The following XPR1 variants were observed in gnomAD, a reference collection of about 807,000 sequenced individuals.
XPR1 encodes the protein solute carrier family 53 member 1.
Under a neutral mutation model 87.5 loss-of-function variants are expected in XPR1, and 28 were observed. The observed-to-expected ratio is 0.32, with a 90% confidence interval of 0.24 to 0.44. The LOEUF is 0.44. Among genes scored for constraint, XPR1 ranks in the 20% least tolerant of loss-of-function variants. The pLI is 1.00. For missense variants in XPR1, 559 were observed against 862.3 expected (o/e 0.65, Z 4.41); for synonymous variants, 300 against 306.1 (o/e 0.98, Z 0.21).
chr1:180,745,805 C>T (rs1183049188), intron 2 of XPR1, among the ~76,000 whole-genome samples: 2 of 152,166 alleles, frequency 1.3e-5, no homozygotes, highest in South Asian at 2.1e-4. Flanking sequence ...TTCTCCAAAC[C>T]TTAAGAGTCT....
intron 2 of XPR1, among the ~76,000 whole-genome samples, chr1:180,717,342 A>C (rs1423305807): frequency 6.6e-6 from 1 of 152,180 alleles, no homozygotes; most frequent in Non-Finnish European, 1.5e-5. Flanking sequence ...AGAATGTCAT[A>C]GGCATAAAAT....
rs1653036993 is a variant in XPR1, at chr1:180,887,123, G to A, written c.*3057G>A. The A allele has an allele frequency of 1.3e-5, 2 of 152,280 alleles. No homozygotes were observed. Among genetic ancestry groups the A allele is most frequent in the South Asian group, 4.1e-4 (2 of 4,834 alleles). The allele number at this position is 152,280 out of a possible 1,614,324, so 9.4% of individuals were successfully genotyped here. A position where few individuals can be genotyped will look rare whatever the true frequency, so the allele number is the denominator to read the frequency against. On this transcript the variant is annotated 3_prime_UTR_variant, in exon 15 of 15. Transcript: ENST00000367590. ...GGAAGCAGAGGTTGCAGTGAGACTA[G>A]ATCATGCCACTGCACTCCACTGCCA...
At chr1:180,767,577 G>T (rs1648336062) in intron 2 of XPR1, among the ~76,000 whole-genome samples, 1 of 151,930 alleles carries the variant, frequency 6.6e-6, no homozygotes, top group Non-Finnish European at 1.5e-5. Flanking sequence ...AATATGAAAT[G>T]GAATAAACTC....
chr1:180,661,476 C>CGTGTGTGTGTGT (rs60527318), intron 1 of XPR1, among the ~76,000 whole-genome samples: 75 of 142,356 alleles, frequency 5.3e-4, no homozygotes, highest in African/African-American at 1.9e-3. Context: ...TTTAATTTTT[C>CGTGTGTGTGTGT]GTGTGTGTGT....
intron 2 of XPR1, among the ~76,000 whole-genome samples, chr1:180,716,171 C>T (rs1006468317): frequency 3.3e-5 from 5 of 151,608 alleles, no homozygotes; most frequent in Non-Finnish European, 7.4e-5. Context: ...GGGTCTCACT[C>T]TGTCACCCAG....
chr1:180,861,155 G>A (rs934268060), intron 11 of XPR1, among the ~76,000 whole-genome samples: 1 of 152,024 alleles, frequency 6.6e-6, no homozygotes, highest in African/African-American at 2.4e-5. Context: ...CTATTCTCAT[G>A]TCCTTTTACT....
In XPR1 at chr1:180,743,223, T is replaced by TG. The variant is rs1557985014; in HGVS notation, c.122-44530_122-44529insG. ...TTTCTGTTCATTTTCCCTTTTTTTT[T>TG]TGGGGGGGGAGTATTTTAATATTTT... On this transcript the variant is annotated intron_variant, in intron 2 of 14. Transcript: ENST00000367590. Among the ~76,000 whole-genome samples the TG allele has an allele frequency of 6.9e-5, 10 of 144,228 alleles. No individual in the cohort carries two copies. The East Asian group carries it at 9.1e-4, about 13-fold the overall frequency. 94.6% of individuals were successfully genotyped at this position (144,228 alleles called of 152,430 possible).
intron 2 of XPR1, among the ~76,000 whole-genome samples, chr1:180,703,128 G>T (rs958383715): frequency 6.6e-6 from 1 of 152,120 alleles, no homozygotes; most frequent in Admixed American, 6.5e-5. Flanking sequence ...GCTTTGCTAG[G>T]GATGAAAACA....
intron 13 of XPR1, among the ~76,000 whole-genome samples, chr1:180,875,307 T>G (rs1008686134): frequency 6.6e-6 from 1 of 152,052 alleles, no homozygotes; most frequent in African/African-American, 2.4e-5. Flanking sequence ...CTCAGGGGTT[T>G]GACACTGGCC....
chr1:180,727,212 A>G (rs1658385440), intron 2 of XPR1, among the ~76,000 whole-genome samples: 1 of 152,128 alleles, frequency 6.6e-6, no homozygotes, highest in Non-Finnish European at 1.5e-5. Flanking sequence ...AAATAATACA[A>G]TGTAAGTGGG....
chr1:180,824,709 A>G (rs1650765047), intron 7 of XPR1, 44 bp from the exon 8 acceptor site: 2 of 1,474,840 alleles, frequency 1.4e-6, no homozygotes, highest in Admixed American at 2.0e-5. Flanking sequence ...ATTCAAGGGA[A>G]GTTATGAATT....
intron 2 of XPR1, among the ~76,000 whole-genome samples, chr1:180,744,675 G>GA (rs1204897482): frequency 8.3e-5 from 1 of 12,106 alleles, no homozygotes; most frequent in Non-Finnish European, 1.7e-4. Flanking sequence ...TTTTGAGACA[G>GA]AATCTCACTC....
At chr1:180,809,918 T>C (rs1036664035) in intron 6 of XPR1, among the ~76,000 whole-genome samples, 4 of 152,224 alleles carry the variant, frequency 2.6e-5, no homozygotes, top group South Asian at 2.1e-4. Context: ...AAACTAACAA[T>C]ACAGTTAGAA....
chr1:180,845,007 C>G (rs1401481868), intron 11 of XPR1, among the ~76,000 whole-genome samples: 2 of 152,180 alleles, frequency 1.3e-5, no homozygotes, highest in South Asian at 4.1e-4. Flanking sequence ...AAAATGTAAT[C>G]TAATCTACTG....
intron 2 of XPR1, among the ~76,000 whole-genome samples, chr1:180,694,927 G>A (rs1657113221): frequency 6.6e-6 from 1 of 152,078 alleles, no homozygotes. Flanking sequence ...TGGATTGGGG[G>A]ATTAAGTGGT....
chr1:180,636,863 C>T (rs1331376327), intron 1 of XPR1, among the ~76,000 whole-genome samples: 2 of 151,988 alleles, frequency 1.3e-5, no homozygotes, highest in Non-Finnish European at 2.9e-5. Context: ...ACCATTCTGG[C>T]CAACATGGTG....
chr1:180,879,528 C>T (rs1455844411), intron 13 of XPR1, among the ~76,000 whole-genome samples: 1 of 152,156 alleles, frequency 6.6e-6, no homozygotes, highest in Non-Finnish European at 1.5e-5. Context: ...TTGCCATTTT[C>T]CTCTGCCTGG....
chr1:180,692,480 CAA>C (rs962176304), intron 2 of XPR1, among the ~76,000 whole-genome samples: 3 of 152,096 alleles, frequency 2.0e-5, no homozygotes, highest in African/African-American at 7.2e-5. Flanking sequence ...GATTGATACT[CAA>C]AGTCATGTAA....
intron 11 of XPR1, among the ~76,000 whole-genome samples, chr1:180,852,745 T>A (rs1013006663): frequency 2.6e-5 from 4 of 152,182 alleles, no homozygotes; most frequent in Non-Finnish European, 4.4e-5. Flanking sequence ...AGGTGAGGTC[T>A]CCAACTCCTG....
Sources: allele counts gnomAD v4.1 joint callset (sites outside exome capture counted in the v4.1 genomes callset), GRCh38; gene constraint gnomAD v4.1.1; transcripts MANE v1.5; gene names NCBI Gene and HGNC (gene_info 2026-07-23, HGNC 2026-07-21).